The following HPF1 variants were observed in gnomAD, a reference collection of about 807,000 sequenced individuals.
HPF1 encodes histone PARylation factor 1.
In HPF1, 35 loss-of-function variants were observed where a neutral mutation model predicts 38.8. The ratio of observed to expected loss-of-function variants is 0.90; its 90% CI spans 0.69 to 1.19. HPF1 has a LOEUF of 1.19. Among genes scored for constraint, HPF1 ranks in the 50% most tolerant of loss-of-function variants. The pLI is 0.00. For missense variants in HPF1, 367 were observed against 405.8 expected, an observed-to-expected ratio of 0.90 and a Z score of 0.82; for synonymous variants, 115 against 139.2, an observed-to-expected ratio of 0.83 and a Z score of 1.22.
At chr4:169,735,591 G>C (rs1195794599) in intron 6 of HPF1, among the ~76,000 whole-genome samples, 4 of 152,144 alleles carry the variant, frequency 2.6e-5, no homozygotes, top group African/African-American at 9.7e-5. Flanking sequence ...CAGGGTAACA[G>C]GCTTTACTCC....
At chr4:169,738,821 G>T (rs1733930336) in intron 5 of HPF1, among the ~76,000 whole-genome samples, 1 of 152,170 alleles carries the variant, frequency 6.6e-6, no homozygotes, top group Admixed American at 6.5e-5. Context: ...AAAAAAGGAT[G>T]AGTTCATGTC....
chr4:169,750,553 G>A lies in HPF1; in HGVS notation c.381C>T (p.Tyr127=). ...TCCTTTACCTGAAATACCCCATGTG[G>A]TACTGAGTTTTATTATCTCCAATAA... is the stretch of plus-strand genomic sequence containing the variant. ...TIIIGDNKTQ[Y]HMGYFRDSPD... The change falls in exon 3 of 8, where the codon TAC becomes TAT. Residue 127 remains tyrosine (Y), a synonymous_variant. Transcript: ENST00000393381. The A allele has an allele frequency of 6.2e-7, 1 of 1,606,592 alleles. No individual in the cohort carries two copies. The highest frequency in any genetic ancestry group is 8.5e-7 in the Non-Finnish European group (1 of 1,176,584).
At chr4:169,743,155 G>A (rs1734000750) in intron 4 of HPF1, among the ~76,000 whole-genome samples, 1 of 151,716 alleles carries the variant, frequency 6.6e-6, no homozygotes, top group Non-Finnish European at 1.5e-5. Context: ...TGTTGCCCAG[G>A]CTGGAGTGCA....
chr4:169,741,718 A>T (rs1292899179), intron 5 of HPF1, among the ~76,000 whole-genome samples: 1 of 152,222 alleles, frequency 6.6e-6, no homozygotes, highest in East Asian at 1.9e-4. Context: ...GAGTTATTCA[A>T]CCACAGCAGT....
In HPF1 at chr4:169,750,636, G is replaced by A; in HGVS notation, c.298C>T (p.Leu100=). Reference sequence around the variant, plus strand: ...AACCTCCAGTGAAGGTTAAAATTCAGGCCTGTTGATTTTTTCTTCGTTTTA... The same window carrying A: ...AACCTCCAGTGAAGGTTAAAATTCAAGCCTGTTGATTTTTTCTTCGTTTTA... ...KHKTKKKSTG[L]NFNLHWRFYY... The change falls in exon 3 of 8, where the codon CTG becomes TTG. Residue 100 remains leucine (L), a synonymous_variant. Coordinates refer to ENST00000393381, the MANE Select transcript of HPF1 (RefSeq NM_017867.3). 6.2e-7 allele frequency: 1 copy of A among 1,613,650 alleles called. No homozygotes were observed. Among genetic ancestry groups the A allele is most frequent in the Non-Finnish European group, 8.5e-7 (1 of 1,179,690 alleles).
chr4:169,749,492 C>T (rs1005891772), intron 3 of HPF1, among the ~76,000 whole-genome samples: 2 of 152,094 alleles, frequency 1.3e-5, no homozygotes, highest in Admixed American at 6.5e-5. Context: ...GCTAACCCCA[C>T]ACTAGTCATT....
rs774119230 is a variant in HPF1 at position 169,753,631 on chromosome 4, C to T, written c.208+45G>A. On this transcript the variant is annotated intron_variant, in intron 2 of 7. Coordinates refer to ENST00000393381, the MANE Select transcript of HPF1 (RefSeq NM_017867.3). ...ACCACACCCAGCTGGTTTCCTATTACATTACTCTTTCCATTAATACAAGAA... is the reference window on the plus strand; with the variant it reads ...ACCACACCCAGCTGGTTTCCTATTATATTACTCTTTCCATTAATACAAGAA... The T allele has an allele frequency of 1.5e-5, 23 of 1,542,332 alleles. No individual in the cohort carries two copies. The South Asian group carries it at 2.5e-4, about 17-fold the overall frequency.
At chr4:169,754,637 C>T (rs1032012619) in intron 1 of HPF1, among the ~76,000 whole-genome samples, 1 of 151,952 alleles carries the variant, frequency 6.6e-6, no homozygotes, top group Non-Finnish European at 1.5e-5. Context: ...TTTCTATGAA[C>T]CTAGATTCTT....
At chr4:169,751,338 G>A (rs937693411) in intron 2 of HPF1, among the ~76,000 whole-genome samples, 40 of 150,994 alleles carry the variant, frequency 2.6e-4, no homozygotes, top group African/African-American at 9.6e-4. Context: ...TGGAGGTGGA[G>A]GTTGCAGTGA....
At chr4:169,733,108 G>A (rs1324260046) in intron 6 of HPF1, among the ~76,000 whole-genome samples, 5 of 152,176 alleles carry the variant, frequency 3.3e-5, no homozygotes, top group Non-Finnish European at 7.3e-5. Context: ...AACAATGTAA[G>A]AGACAAGAAA....
chr4:169,752,601 T>A (rs544210619), intron 2 of HPF1, among the ~76,000 whole-genome samples: 4 of 152,314 alleles, frequency 2.6e-5, no homozygotes, highest in African/African-American at 9.6e-5. Context: ...AAAATACTAA[T>A]GGTAGCATAC....
intron 6 of HPF1, among the ~76,000 whole-genome samples, chr4:169,734,359 C>G (rs1201297718): frequency 6.6e-6 from 1 of 152,112 alleles, no homozygotes; most frequent in Non-Finnish European, 1.5e-5. Flanking sequence ...TCAGCCACTA[C>G]AAATCAGGGT....
intron 7 of HPF1, among the ~76,000 whole-genome samples, 172 bp downstream of exon 7, chr4:169,731,532 C>A (rs1191624764): frequency 6.6e-6 from 1 of 152,058 alleles, no homozygotes; most frequent in South Asian, 2.1e-4. Context: ...AGGACATCTA[C>A]GTTAAAAAAA....
chr4:169,730,147 G>T (rs952753968), intron 7 of HPF1, among the ~76,000 whole-genome samples: 2 of 152,054 alleles, frequency 1.3e-5, no homozygotes, highest in Non-Finnish European at 2.9e-5. Context: ...TCCCCAACAC[G>T]TACCGCCTCC....
intron 4 of HPF1, among the ~76,000 whole-genome samples, chr4:169,743,443 A>T: frequency 7.6e-6 from 1 of 131,624 alleles, no homozygotes; most frequent in Non-Finnish European, 1.5e-5. Flanking sequence ...TTCATTTTTA[A>T]AGAGACAGGA....
intron 2 of HPF1, among the ~76,000 whole-genome samples, chr4:169,751,853 G>A (rs1473913026): frequency 1.3e-5 from 2 of 152,178 alleles, no homozygotes; most frequent in Non-Finnish European, 2.9e-5. Context: ...GAAGATAACA[G>A]TTAATAGTCT....
intron 4 of HPF1, among the ~76,000 whole-genome samples, chr4:169,742,681 A>G (rs961679622): frequency 1.3e-5 from 2 of 152,194 alleles, no homozygotes; most frequent in African/African-American, 4.8e-5. Context: ...AGTCCCAGCT[A>G]CTTGGGAGGC....
intron 4 of HPF1, among the ~76,000 whole-genome samples, chr4:169,743,593 G>C (rs530895665): frequency 8.6e-5 from 13 of 151,902 alleles, no homozygotes; most frequent in Non-Finnish European, 1.8e-4. Flanking sequence ...GTTCTCAAAA[G>C]TATGTGAATA....
chr4:169,757,678 A>G (rs1734207402), intron 1 of HPF1, 152 bp downstream of exon 1: 1 of 752,660 alleles, frequency 1.3e-6, no homozygotes, highest in Admixed American at 2.6e-5. Flanking sequence ...AGCGCGAAAC[A>G]GCGGCCCTGG....
Sources: gnomAD v4.1 joint callset for allele counts (sites outside exome capture counted in the v4.1 genomes callset) on GRCh38, gnomAD v4.1.1 for gene constraint, MANE v1.5 for transcripts, NCBI Gene and HGNC (gene_info 2026-07-23, HGNC 2026-07-21) for gene names.